The following PTPRD variants were observed in gnomAD, a reference collection of about 807,000 sequenced individuals.
The protein encoded by PTPRD is receptor-type tyrosine-protein phosphatase delta.
PTPRD carries 34 observed loss-of-function variants against 214.5 expected under a neutral mutation model. The ratio of observed to expected loss-of-function variants is 0.16; its 90% confidence interval spans 0.12 to 0.21. PTPRD has a LOEUF of 0.21. Among genes scored for constraint, PTPRD ranks in the 10% least tolerant of loss-of-function variants. PTPRD has a pLI of 1.00. For missense variants in PTPRD, 2,545 were observed against 2,398.7 expected (o/e 1.06, Z -1.27); for synonymous variants, 1,128 against 845.7 (o/e 1.33, Z -5.79).
intron 30 of PTPRD, among the ~76,000 whole-genome samples, chr9:8,478,392 A>C (rs1309857458): frequency 1.3e-5 from 2 of 152,214 alleles, no homozygotes; most frequent in African/African-American, 2.4e-5. Flanking sequence ...CAAATTAGTA[A>C]GACCAAAGAA....
intron 10 of PTPRD, among the ~76,000 whole-genome samples, chr9:9,140,105 C>T (rs1010060105): frequency 1.3e-5 from 2 of 149,990 alleles, no homozygotes; most frequent in South Asian, 4.2e-4. Flanking sequence ...GAAGAAGAGT[C>T]TAACATTTCT....
intron 5 of PTPRD, among the ~76,000 whole-genome samples, chr9:9,768,378 A>C (rs1427737945): frequency 2.0e-5 from 3 of 152,208 alleles, no homozygotes; most frequent in Non-Finnish European, 4.4e-5. Flanking sequence ...AAAATATTAA[A>C]TAATTTTGAT....
intron 2 of PTPRD, among the ~76,000 whole-genome samples, chr9:10,395,463 T>A (rs1363161347): frequency 1.3e-5 from 2 of 151,934 alleles, no homozygotes; most frequent in Non-Finnish European, 2.9e-5. Flanking sequence ...CCATGCCCTT[T>A]ATTTCTTTCA....
intron 8 of PTPRD, among the ~76,000 whole-genome samples, chr9:9,550,569 T>C (rs573745107): frequency 1.6e-3 from 238 of 149,694 alleles, no homozygotes; most frequent in African/African-American, 5.4e-3. Context: ...TGTTAATATA[T>C]ATCCCAATTT....
intron 8 of PTPRD, among the ~76,000 whole-genome samples, chr9:9,463,563 CCTTT>C (rs1285311186): frequency 1.3e-5 from 2 of 151,972 alleles, no homozygotes; most frequent in Non-Finnish European, 2.9e-5. Flanking sequence ...TCACCTACTT[CCTTT>C]AATTTCTAAG....
Position 8,321,485 on chromosome 9 carries a change from GTGTATATATATATA to G in PTPRD, c.5535-1533_5535-1520del, listed in dbSNP as rs1363249816. Among the ~76,000 whole-genome samples, 37 of 45,400 alleles carry G rather than the reference GTGTATATATATATA, an allele frequency of 8.1e-4. 1 individual carries two copies. Among genetic ancestry groups the G allele is most frequent in the African/African-American group, 4.5e-3 (35 of 7,796 alleles). The allele number at this position is 45,400 out of a possible 152,430, so 29.8% of individuals were successfully genotyped here. A position where few individuals can be genotyped will look rare whatever the true frequency, so the allele number is the denominator to read the frequency against. On this transcript the variant is annotated intron_variant, in intron 44 of 45. Coordinates refer to ENST00000381196, the MANE Select transcript of PTPRD (RefSeq NM_002839.4). ...TTTGTGTGTGTGTGTGTGTGTGTGT[GTGTATATATATATA>G]TATATATATATATATATATATATAT...
intron 3 of PTPRD, among the ~76,000 whole-genome samples, chr9:10,185,005 A>G (rs916231927): frequency 6.6e-6 from 1 of 152,228 alleles, no homozygotes; most frequent in Non-Finnish European, 1.5e-5. Flanking sequence ...TGTGTAAAAA[A>G]TCAGACACTC....
intron 3 of PTPRD, among the ~76,000 whole-genome samples, chr9:10,313,997 T>G (rs999462595): frequency 6.6e-6 from 1 of 151,904 alleles, no homozygotes; most frequent in African/African-American, 2.4e-5. Context: ...GCTGTGGAGA[T>G]TTAATAAATG....
intron 2 of PTPRD, among the ~76,000 whole-genome samples, chr9:10,507,561 A>G (rs914282042): frequency 2.6e-5 from 4 of 152,176 alleles, no homozygotes; most frequent in African/African-American, 9.7e-5. Flanking sequence ...CTACAAGACT[A>G]CAGTAACCAA....
At chr9:8,518,505 T>C in intron 20 of PTPRD, 76 bp from the exon 21 acceptor site, 3 of 1,056,522 alleles carry the variant, frequency 2.8e-6, no homozygotes, top group Non-Finnish European at 4.1e-6. Context: ...AACTCTACTA[T>C]GAAAATGACA....
At chr9:9,712,380 T>G (rs2154425602) in intron 7 of PTPRD, among the ~76,000 whole-genome samples, 1 of 151,988 alleles carries the variant, frequency 6.6e-6, no homozygotes, top group Non-Finnish European at 1.5e-5. Context: ...GAACATAAAC[T>G]TTGATTGTAA....
chr9:10,169,341 G>A (rs1005991968), intron 3 of PTPRD, among the ~76,000 whole-genome samples: 1 of 151,534 alleles, frequency 6.6e-6, no homozygotes, highest in Non-Finnish European at 1.5e-5. Flanking sequence ...GGGCGTGGTG[G>A]CGGGCACCTG....
At chr9:8,789,108 G>T (rs2096118607) in intron 11 of PTPRD, among the ~76,000 whole-genome samples, 1 of 152,154 alleles carries the variant, frequency 6.6e-6, no homozygotes, top group South Asian at 2.1e-4. Flanking sequence ...CTGCCTGAAG[G>T]ATGACTCCAA....
intron 35 of PTPRD, among the ~76,000 whole-genome samples, chr9:8,414,736 G>A (rs1289567892): frequency 2.0e-5 from 3 of 151,756 alleles, no homozygotes; most frequent in African/African-American, 7.3e-5. Flanking sequence ...GAAATTACAT[G>A]GCCACCCCAA....
At chr9:8,985,847 T>A (rs2099341609) in intron 11 of PTPRD, among the ~76,000 whole-genome samples, 1 of 152,082 alleles carries the variant, frequency 6.6e-6, no homozygotes, top group South Asian at 2.1e-4. Flanking sequence ...GAAGATTATG[T>A]TCATGCACAC....
chr9:10,178,578 G>A (rs756209583), intron 3 of PTPRD, among the ~76,000 whole-genome samples: 13 of 151,896 alleles, frequency 8.6e-5, no homozygotes, highest in South Asian at 2.1e-4. Context: ...CAAAATGTAC[G>A]TAGAAAAAGA....
chr9:9,086,147 C>G (rs539551799), intron 10 of PTPRD, among the ~76,000 whole-genome samples: 1 of 152,160 alleles, frequency 6.6e-6, no homozygotes, highest in Admixed American at 6.5e-5. Context: ...GGCACCAAAT[C>G]GAATTGAAGT....
At chr9:9,413,612 A>G (rs978282158) in intron 8 of PTPRD, among the ~76,000 whole-genome samples, 1 of 152,208 alleles carries the variant, frequency 6.6e-6, no homozygotes, top group Non-Finnish European at 1.5e-5. Flanking sequence ...GTTTTGAAAA[A>G]GTCTATGAGC....
intron 6 of PTPRD, among the ~76,000 whole-genome samples, chr9:9,741,585 C>G (rs538051684): frequency 6.6e-6 from 1 of 152,122 alleles, no homozygotes; most frequent in African/African-American, 2.4e-5. Flanking sequence ...AGGTATTTCT[C>G]CTAATGCTAT....
Sources: allele counts gnomAD v4.1 joint callset (sites outside exome capture counted in the v4.1 genomes callset), GRCh38; gene constraint gnomAD v4.1.1; transcripts MANE v1.5; gene names NCBI Gene and HGNC (gene_info 2026-07-23, HGNC 2026-07-21).